The following MIR2052HG variants were observed in gnomAD, a reference collection of about 807,000 sequenced individuals.
MIR2052HG encodes MIR2052 host gene.
At chr8:74,683,767 T>C (rs530918209) in intron 2 of MIR2052HG, among the ~76,000 whole-genome samples, 2 of 152,140 alleles carry the variant, frequency 1.3e-5, no homozygotes, top group South Asian at 2.1e-4. Context: ...TAGATAATTA[T>C]AGGACTCCGA....
At chr8:74,648,011 G>GT (rs1808711487) in intron 2 of MIR2052HG, among the ~76,000 whole-genome samples, 2 of 152,036 alleles carry the variant, frequency 1.3e-5, no homozygotes, top group Non-Finnish European at 2.9e-5. Flanking sequence ...TATGAAATCA[G>GT]TGCACCCTAA....
chr8:74,685,110 T>A (rs910475361), intron 2 of MIR2052HG, among the ~76,000 whole-genome samples: 1 of 152,144 alleles, frequency 6.6e-6, no homozygotes, highest in Admixed American at 6.6e-5. Context: ...GTGAAAGTTT[T>A]AATATAATAT....
intron 4 of MIR2052HG, among the ~76,000 whole-genome samples, chr8:74,723,527 A>T (rs1809600566): frequency 2.0e-5 from 3 of 146,620 alleles, no homozygotes; most frequent in Non-Finnish European, 3.0e-5. Flanking sequence ...CTTCATCCTT[A>T]TTTTTTTTTT....
At chr8:74,730,178 A>T (rs983783278) in intron 4 of MIR2052HG, among the ~76,000 whole-genome samples, 3 of 152,144 alleles carry the variant, frequency 2.0e-5, no homozygotes, top group African/African-American at 4.8e-5. Flanking sequence ...TGTAGTCCCA[A>T]ACAAAATAAA....
chr8:74,624,904 G>A (rs975645772), intron 2 of MIR2052HG, among the ~76,000 whole-genome samples: 6 of 152,132 alleles, frequency 3.9e-5, no homozygotes, highest in Non-Finnish European at 5.9e-5. Context: ...ATTTAGCTGC[G>A]AAGGAGTTAA....
intron 2 of MIR2052HG, among the ~76,000 whole-genome samples, chr8:74,674,389 G>A (rs1809028769): frequency 6.6e-6 from 1 of 151,826 alleles, no homozygotes; most frequent in Non-Finnish European, 1.5e-5. Flanking sequence ...GGGATGTAAT[G>A]AACTAGTTTG....
At chr8:74,705,092 T>G (rs577833541) in intron 4 of MIR2052HG, among the ~76,000 whole-genome samples, 6 of 151,966 alleles carry the variant, frequency 3.9e-5, no homozygotes, top group Admixed American at 2.0e-4. Context: ...TGTCAGGATC[T>G]TCCACTAAAT....
intron 4 of MIR2052HG, among the ~76,000 whole-genome samples, chr8:74,736,155 A>G (rs1047236613): frequency 8.5e-5 from 13 of 152,164 alleles, no homozygotes; most frequent in Admixed American, 2.6e-4. Context: ...CCAGTTTTAG[A>G]GACACAGTCC....
intron 4 of MIR2052HG, among the ~76,000 whole-genome samples, chr8:74,714,682 G>A: frequency 6.7e-6 from 1 of 149,696 alleles, no homozygotes; most frequent in Admixed American, 6.7e-5. Flanking sequence ...TTCTTTGGGA[G>A]ACCTCCTTTT....
At chr8:74,603,587 G>T in intron 1 of MIR2052HG, 1 of 1,546,408 alleles carries the variant, frequency 6.5e-7, no homozygotes, top group Non-Finnish European at 8.9e-7. Flanking sequence ...ATGGGAAAAT[G>T]AGACTGTTGC....
intron 4 of MIR2052HG, among the ~76,000 whole-genome samples, chr8:74,713,403 G>A (rs1809489617): frequency 6.6e-6 from 1 of 152,062 alleles, no homozygotes; most frequent in Non-Finnish European, 1.5e-5. Flanking sequence ...CCTACTTGAA[G>A]CCTTCACTGA....
intron 1 of MIR2052HG, among the ~76,000 whole-genome samples, chr8:74,602,612 A>C (rs1471269551): frequency 2.0e-5 from 3 of 151,676 alleles, no homozygotes; most frequent in Admixed American, 6.6e-5. Flanking sequence ...CCTGGGTTCA[A>C]GCAATTCTCC....
At chr8:74,742,742 A>G (rs138525850) in intron 4 of MIR2052HG, among the ~76,000 whole-genome samples, 63 of 152,284 alleles carry the variant, frequency 4.1e-4, no homozygotes, top group Non-Finnish European at 4.3e-4. Flanking sequence ...CCAAGTTATT[A>G]GTTCTCTAGG....
At chr8:74,600,195 A>G (rs148129928) in intron 1 of MIR2052HG, among the ~76,000 whole-genome samples, 2,033 of 151,054 alleles carry the variant, frequency 0.013, 20 homozygotes, top group Middle Eastern at 0.087. Context: ...CTTCTGCGTC[A>G]CTCACGCTGG....
chr8:74,655,432 G>A (rs1346021888), intron 2 of MIR2052HG, among the ~76,000 whole-genome samples: 1 of 152,134 alleles, frequency 6.6e-6, no homozygotes, highest in East Asian at 1.9e-4. Flanking sequence ...CCCATGCTGT[G>A]TGCAGCCTAG....
rs1194999870 is a variant in MIR2052HG, at chr8:74,662,170, A to G, written n.217-40209A>G. ...GTTCCCTGAAAGCAGGGCTCTTAGA[A>G]TCTAGATTATAATATCAAAGGCTTT... On this transcript the variant is annotated intron_variant and non_coding_transcript_variant, in intron 2 of 6. Coordinates refer to ENST00000523442, the Ensembl canonical transcript of MIR2052HG. 2.6e-5 allele frequency among the ~76,000 whole-genome samples: 4 copies of G among 152,296 alleles called. 1 individual carries two copies. Among genetic ancestry groups the G allele is most frequent in the Middle Eastern group, 6.8e-3 (2 of 294 alleles).
intron 2 of MIR2052HG, among the ~76,000 whole-genome samples, chr8:74,685,139 GA>G (rs1809166625): frequency 6.6e-6 from 1 of 152,068 alleles, no homozygotes; most frequent in Admixed American, 6.6e-5. Flanking sequence ...TGACATGCAA[GA>G]AGTTGCAACT....
intron 4 of MIR2052HG, among the ~76,000 whole-genome samples, chr8:74,737,528 C>G (rs1357551314): frequency 6.6e-6 from 1 of 152,182 alleles, no homozygotes; most frequent in East Asian, 1.9e-4. Context: ...AGTCACGACC[C>G]TCTACCAGTG....
intron 4 of MIR2052HG, among the ~76,000 whole-genome samples, chr8:74,749,801 A>G (rs933826509): frequency 4.8e-5 from 7 of 146,398 alleles, no homozygotes; most frequent in Admixed American, 3.5e-4. Flanking sequence ...GTGAGCCGAG[A>G]TCGTGCCACT....
Sources: allele counts gnomAD v4.1 joint callset (sites outside exome capture counted in the v4.1 genomes callset), GRCh38; gene constraint gnomAD v4.1.1; transcripts MANE v1.5; gene names NCBI Gene and HGNC (gene_info 2026-07-23, HGNC 2026-07-21).